The following DPH7 variants were observed in gnomAD, a reference collection of about 807,000 sequenced individuals.
DPH7 encodes diphthine methyltransferase.
Under a neutral mutation model 41.7 loss-of-function variants are expected in DPH7, and 44 were observed. The observed-to-expected ratio is 1.05, with a 90% CI of 0.83 to 1.36. DPH7 has a LOEUF of 1.36. Ranked by LOEUF, DPH7 falls within the 40% of genes most tolerant of loss-of-function variation. The pLI is 0.00. For synonymous variants in DPH7, 275 were observed against 238.0 expected (o/e 1.16, Z -1.43); for missense variants, 629 against 577.5 (o/e 1.09, Z -0.91).
Position 137,565,153 on chromosome 9 carries a change from C to T in DPH7, c.642G>A (p.Gly214=), listed in dbSNP as rs1839389373. 2 of 1,613,998 alleles carry T rather than the reference C, an allele frequency of 1.2e-6. No individual in the cohort carries two copies. The highest frequency in any genetic ancestry group is 1.7e-6 in the Non-Finnish European group (2 of 1,180,014). Residue 214 remains glycine, a splice_region_variant and synonymous_variant, in exon 6 of 9, where the codon GGG becomes GGA. Coordinates refer to ENST00000277540, the MANE Select transcript of DPH7 (RefSeq NM_138778.5). ...NYWHPEIVYS[G]GDDGLLRGWD... ...AGCCCCTCAGAAGGCCATCGTCGCC[C>T]CCTGTGTGGAGAAAGAGAAGCATCA...
intron 3 of DPH7, 84 bp from the exon 4 acceptor site, chr9:137,574,927 A>G: frequency 6.3e-7 from 1 of 1,587,372 alleles, no homozygotes; most frequent in East Asian, 2.2e-5. Context: ...CAGGGAAGTC[A>G]TCGTTCCCTC....
intron 1 of DPH7, 135 bp from the exon 2 acceptor site, chr9:137,577,738 G>C: frequency 8.5e-7 from 1 of 1,182,902 alleles, no homozygotes; most frequent in East Asian, 2.4e-5. Flanking sequence ...GAGAACCTCT[G>C]GTTTTCTGAG....
In DPH7 at chr9:137,578,761, G is replaced by T; in HGVS notation, c.17C>A (p.Ala6Asp). 2.0e-6 allele frequency: 3 copies of T among 1,513,886 alleles called. No homozygotes were observed. The highest frequency in any genetic ancestry group is 2.6e-6 in the Non-Finnish European group (3 of 1,132,928). The allele number at this position is 1,513,886 out of a possible 1,614,324, so 93.8% of individuals were successfully genotyped here. ...CAGCTCGGTGTCCACCGTTTGCAGG[G>T]CGAAACAGCCCATCATCCAGCCCTC... MMGCF[A>D]LQTVDTELTA... Residue 6 changes from alanine (A) to aspartate (D), a missense_variant, in exon 1 of 9, where the codon GCC (alanine) becomes GAC (aspartate). Coordinates refer to ENST00000277540, the MANE Select transcript of DPH7 (RefSeq NM_138778.5).
Position 137,565,086 on chromosome 9 carries a change from T to G in DPH7, c.709A>C (p.Arg237=). 1 of 1,613,984 alleles carries G rather than the reference T, an allele frequency of 6.2e-7. No homozygotes were observed. The highest frequency in any genetic ancestry group is 1.7e-5 in the Admixed American group (1 of 60,028). ...GAGTGCTGGCCCTTGGGCAGTTACC[T>G]TTTGCTGGTGAAGAGAAATTTGCCG... ...VPGKFLFTSK[R]HTMGVCSIQS... The change falls in exon 6 of 9, where the codon AGA becomes CGA. Residue 237 remains arginine (R), a splice_region_variant and synonymous_variant. Coordinates refer to ENST00000277540, the MANE Select transcript of DPH7 (RefSeq NM_138778.5).
Position 137,576,083 on chromosome 9 carries a change from A to G in DPH7, c.372T>C (p.Ser124=), listed in dbSNP as rs761607142. The change falls in exon 3 of 9, where the codon TCT becomes TCC. Residue 124 remains serine, a synonymous_variant. Transcript: ENST00000277540. The stretch of plus-strand genomic sequence containing the variant: ...AGAACAAGTGCAAGTCACTGACCTC[A>G]GATTCCACCAGGCGGAGCAGTTGTA... ...GSIQLLRLVE[S]EKSHVLEPLS... 3 of 1,613,950 alleles carry G rather than the reference A, an allele frequency of 1.9e-6. No homozygotes were observed. Among genetic ancestry groups the G allele is most frequent in the South Asian group, 1.1e-5 (1 of 91,090 alleles).
intron 1 of DPH7, among the ~76,000 whole-genome samples, chr9:137,578,319 A>G (rs1454572519): frequency 6.6e-6 from 1 of 152,004 alleles, no homozygotes; most frequent in Non-Finnish European, 1.5e-5. Flanking sequence ...CGCCGCCACC[A>G]CGCCCGGCTA....
chr9:137,578,597 T>G (rs1033426192), intron 1 of DPH7, 28 bp downstream of exon 1: 70 of 727,852 alleles, frequency 9.6e-5, no homozygotes, highest in Non-Finnish European at 1.3e-4. Context: ...GGCCCCGCCC[T>G]CCCCTCCCGA....
In DPH7 at chr9:137,574,250, T is replaced by C. The variant is rs754911590; in HGVS notation, c.598A>G (p.Ile200Val). ...GGATGCCAGTAATTGAAAGCAGCAA[T>C]CCAGGCCTCGAATTGATGTGCCTGC... is the stretch of plus-strand genomic sequence containing the variant. ...SWQAHQFEAW[I>V]AAFNYWHPEI... Residue 200 changes from isoleucine to valine, a missense_variant, in exon 5 of 9, where the codon ATT becomes GTT. Coordinates refer to ENST00000277540, the MANE Select transcript of DPH7 (RefSeq NM_138778.5). The C allele has an allele frequency of 6.2e-7, 1 of 1,614,070 alleles. No individual in the cohort carries two copies. Among genetic ancestry groups the C allele is most frequent in the South Asian group, 1.1e-5 (1 of 91,078 alleles).
intron 7 of DPH7, 51 bp downstream of exon 7, chr9:137,564,842 C>A: frequency 6.4e-7 from 1 of 1,555,962 alleles, no homozygotes; most frequent in South Asian, 1.2e-5. Context: ...AGGAGCCCCC[C>A]GGGGACAGCG....
intron 8 of DPH7, among the ~76,000 whole-genome samples, chr9:137,560,764 G>A (rs188568080): frequency 2.5e-3 from 379 of 152,036 alleles, no homozygotes; most frequent in Admixed American, 4.5e-3. Flanking sequence ...GCTGAGGCAG[G>A]AGAATGGCGT....
intron 1 of DPH7, chr9:137,577,901 G>T: frequency 1.1e-6 from 1 of 928,728 alleles, no homozygotes; most frequent in Non-Finnish European, 1.3e-6. Flanking sequence ...TTGTTCCAGT[G>T]CCCAATTTGG....
intron 8 of DPH7, 151 bp from the exon 9 acceptor site, chr9:137,555,799 C>T: frequency 1.2e-6 from 1 of 854,652 alleles, no homozygotes; most frequent in Non-Finnish European, 1.7e-6. Context: ...AAGGAACCAG[C>T]AAGACCTGGG....
Position 137,578,758 on chromosome 9 carries a change from A to C in DPH7, c.20T>G (p.Leu7Arg), listed in dbSNP as rs1381136996. 4 of 1,513,428 alleles carry C rather than the reference A, an allele frequency of 2.6e-6. No homozygotes were observed. The South Asian group carries it at 5.0e-5, about 19-fold the overall frequency. The allele number at this position is 1,513,428 out of a possible 1,614,324, so 93.7% of individuals were successfully genotyped here. MMGCFA[L>R]QTVDTELTAD... The stretch of plus-strand genomic sequence containing the variant: ...GGTCAGCTCGGTGTCCACCGTTTGC[A>C]GGGCGAAACAGCCCATCATCCAGCC... Residue 7 changes from leucine (L) to arginine (R), a missense_variant, in exon 1 of 9, where the codon CTG (leucine) becomes CGG (arginine). Transcript: ENST00000277540.
chr9:137,569,582 A>AC (rs1045874194), intron 5 of DPH7, among the ~76,000 whole-genome samples: 2 of 80,324 alleles, frequency 2.5e-5, no homozygotes, highest in Admixed American at 1.7e-4. Flanking sequence ...CCATCCATCC[A>AC]CCCCCCGTCT....
intron 4 of DPH7, 108 bp downstream of exon 4, chr9:137,574,644 G>A (rs1841067713): frequency 9.2e-7 from 1 of 1,088,310 alleles, no homozygotes; most frequent in Non-Finnish European, 1.4e-6. Flanking sequence ...TGTCAGGGCT[G>A]AGGAGCACAG....
chr9:137,576,821 C>T (rs963053807), intron 2 of DPH7, among the ~76,000 whole-genome samples: 3 of 151,310 alleles, frequency 2.0e-5, no homozygotes, highest in African/African-American at 7.3e-5. Context: ...ACTCAGGAGG[C>T]GGAGCTTGCA....
chr9:137,557,097 C>A (rs1258837338), intron 8 of DPH7, among the ~76,000 whole-genome samples: 1 of 152,176 alleles, frequency 6.6e-6, no homozygotes, highest in Non-Finnish European at 1.5e-5. Flanking sequence ...TTTGTGGCCA[C>A]GGAGTCTCAC....
intron 5 of DPH7, among the ~76,000 whole-genome samples, chr9:137,569,083 A>G (rs1441504773): frequency 3.3e-5 from 5 of 152,092 alleles, no homozygotes; most frequent in African/African-American, 1.2e-4. Flanking sequence ...TTCCAAGAAA[A>G]GCAATGCAGA....
At chr9:137,559,508 G>C (rs1337205458) in intron 8 of DPH7, among the ~76,000 whole-genome samples, 2 of 152,202 alleles carry the variant, frequency 1.3e-5, no homozygotes. Flanking sequence ...TTATCCGGAG[G>C]CCTAACCGTC....
Sources: gnomAD v4.1 joint callset for allele counts (sites outside exome capture counted in the v4.1 genomes callset) on GRCh38, gnomAD v4.1.1 for gene constraint, MANE v1.5 for transcripts, NCBI Gene and HGNC (gene_info 2026-07-23, HGNC 2026-07-21) for gene names.